FAT3: variants seen among roughly 807,000 people sequenced by gnomAD.
FAT3 encodes protocadherin Fat 3.
In FAT3, 95 loss-of-function variants were observed where a neutral mutation model predicts 310.2. The observed-to-expected ratio is 0.31, with a 90% CI of 0.26 to 0.36. FAT3 has a LOEUF of 0.36. FAT3 is among the 10% of genes least tolerant of loss of function. The probability of loss-of-function intolerance (pLI) is 1.00; values close to 1 mark genes in which losing one functional copy is unlikely to be tolerated. For synonymous variants in FAT3, 2,314 were observed against 2,192.9 expected, an observed-to-expected ratio of 1.06 and a Z score of -1.54; for missense variants, 5,408 against 5,715.6, an observed-to-expected ratio of 0.95 and a Z score of 1.74.
At chr11:92,490,681 A>G (rs1240657270) in intron 2 of FAT3, among the ~76,000 whole-genome samples, 3 of 152,090 alleles carry the variant, frequency 2.0e-5, no homozygotes, top group Admixed American at 2.0e-4. Context: ...AAAAAGCTCA[A>G]TTTTTATCCT....
intron 13 of FAT3, among the ~76,000 whole-genome samples, chr11:92,826,343 A>G (rs950655992): frequency 2.6e-4 from 39 of 152,350 alleles, no homozygotes; most frequent in Admixed American, 2.3e-3. Flanking sequence ...AAAGACTGAA[A>G]TCTAAACATA....
chr11:92,316,394 TA>T (rs1340590520), intron 1 of FAT3, among the ~76,000 whole-genome samples: 1 of 152,158 alleles, frequency 6.6e-6, no homozygotes, highest in African/African-American at 2.4e-5. Context: ...ACAAAATGCA[TA>T]TTTAACAGTT....
chr11:92,606,284 C>A lies in FAT3; in HGVS notation c.3607+81336C>A, dbSNP rs117700521. ...CTAAAGAATTACTAGGGAGAAAATTCTGTTGTCATTTGGCATGAAGCCACA... is the reference window on the plus strand; with the variant it reads ...CTAAAGAATTACTAGGGAGAAAATTATGTTGTCATTTGGCATGAAGCCACA... On this transcript the variant is annotated intron_variant, in intron 3 of 27. Coordinates refer to ENST00000525166, the MANE Select transcript of FAT3 (RefSeq NM_001367949.2). Among the ~76,000 whole-genome samples the A allele has an allele frequency of 6.8e-4, 103 of 152,276 alleles. 2 individuals are homozygous for A. The East Asian group carries it at 0.017, about 25-fold the overall frequency.
At position 92,893,086 on chromosome 11, in the gene FAT3, A is replaced by G. The variant is rs2136457006; in HGVS notation, c.*1973A>G. The stretch of plus-strand genomic sequence containing the variant: ...CCTAGTCTGTGCATTATTCACTCAG[A>G]CATATTTTTAGTTATTTCAATTGCG... On this transcript the variant is annotated 3_prime_UTR_variant, in exon 28 of 28. Coordinates refer to ENST00000525166, the MANE Select transcript of FAT3 (RefSeq NM_001367949.2). 6.6e-6 allele frequency: 1 copy of G among 152,274 alleles called. No homozygotes were observed. Among genetic ancestry groups the G allele is most frequent in the South Asian group, 2.1e-4 (1 of 4,822 alleles). The allele number at this position is 152,274 out of a possible 1,614,324, so 9.4% of individuals were successfully genotyped here.
chr11:92,820,972 GCCCAC>G (rs1473659480), intron 13 of FAT3, among the ~76,000 whole-genome samples: 2 of 152,154 alleles, frequency 1.3e-5, no homozygotes, highest in African/African-American at 4.8e-5. Context: ...TTAAAACAGG[GCCCAC>G]CTTGGGAAGG....
chr11:92,451,936 A>G (rs2058930011), intron 2 of FAT3, among the ~76,000 whole-genome samples: 1 of 152,166 alleles, frequency 6.6e-6, no homozygotes, highest in Non-Finnish European at 1.5e-5. Context: ...AGTGCAATGC[A>G]TGTTTTTGAG....
intron 2 of FAT3, among the ~76,000 whole-genome samples, chr11:92,496,737 C>A (rs1421113952): frequency 6.6e-6 from 1 of 151,940 alleles, no homozygotes; most frequent in African/African-American, 2.4e-5. Context: ...ATGCCTGCAG[C>A]CCCACGGTGT....
chr11:92,732,273 A>G (rs938829305), intron 4 of FAT3, among the ~76,000 whole-genome samples: 1 of 152,206 alleles, frequency 6.6e-6, no homozygotes, highest in Admixed American at 6.5e-5. Flanking sequence ...TTATAGAAAG[A>G]TCAAAATAAA....
intron 15 of FAT3, 82 bp downstream of exon 15, chr11:92,835,166 C>A: frequency 8.3e-7 from 1 of 1,206,054 alleles, no homozygotes; most frequent in Non-Finnish European, 1.2e-6. Flanking sequence ...CAAAGTCCGT[C>A]TTGGGTTTTC....
At chr11:92,559,158 G>A (rs1955129693) in intron 3 of FAT3, among the ~76,000 whole-genome samples, 1 of 152,030 alleles carries the variant, frequency 6.6e-6, no homozygotes. Context: ...TTAATTAGAT[G>A]TCATTCACAT....
chr11:92,264,815 G>C (rs1205545791), intron 1 of FAT3, among the ~76,000 whole-genome samples: 2 of 152,036 alleles, frequency 1.3e-5, no homozygotes, highest in African/African-American at 4.8e-5. Flanking sequence ...CTTTTCTTTA[G>C]GGCGGTCACA....
intron 1 of FAT3, among the ~76,000 whole-genome samples, chr11:92,298,505 G>A (rs1201688223): frequency 2.6e-5 from 4 of 152,054 alleles, no homozygotes; most frequent in African/African-American, 9.7e-5. Flanking sequence ...AAAAAAAGAA[G>A]TGTTATTAGA....
intron 7 of FAT3, among the ~76,000 whole-genome samples, chr11:92,784,803 G>A (rs912685614): frequency 6.6e-6 from 1 of 152,084 alleles, no homozygotes; most frequent in Non-Finnish European, 1.5e-5. Flanking sequence ...GACAAAGCAA[G>A]CAAAAAGAGG....
intron 1 of FAT3, among the ~76,000 whole-genome samples, chr11:92,333,467 A>C (rs948407359): frequency 6.6e-6 from 1 of 152,112 alleles, no homozygotes; most frequent in Non-Finnish European, 1.5e-5. Flanking sequence ...ACCAAGAGGG[A>C]GGTTTAGTAA....
At chr11:92,578,130 T>C (rs1938587740) in intron 3 of FAT3, among the ~76,000 whole-genome samples, 1 of 152,134 alleles carries the variant, frequency 6.6e-6, no homozygotes, top group Non-Finnish European at 1.5e-5. Flanking sequence ...TGCAGGCTAA[T>C]AAATTATTAA....
In FAT3 at chr11:92,732,794, A is replaced by T. The variant is rs888946877; in HGVS notation, c.3670-29062A>T. Among the ~76,000 whole-genome samples, 5 of 152,226 alleles carry T rather than the reference A, an allele frequency of 3.3e-5. 1 individual carries two copies. Among genetic ancestry groups the T allele is most frequent in the Admixed American group, 3.3e-4 (5 of 15,284 alleles). ...TTACTTTCCAGATACTAGGTTAAGC[A>T]CTAGAGGTTAAGCACTGGGGATACA... On this transcript the variant is annotated intron_variant, in intron 4 of 27. Coordinates refer to ENST00000525166, the MANE Select transcript of FAT3 (RefSeq NM_001367949.2).
chr11:92,270,363 A>T (rs1299710505), intron 1 of FAT3, among the ~76,000 whole-genome samples: 1 of 151,792 alleles, frequency 6.6e-6, no homozygotes, highest in Non-Finnish European at 1.5e-5. Flanking sequence ...TAGTGATATC[A>T]TCTAGTCTAC....
intron 1 of FAT3, among the ~76,000 whole-genome samples, chr11:92,329,061 CTTCTT>C (rs1490299097): frequency 6.6e-6 from 1 of 151,218 alleles, no homozygotes; most frequent in African/African-American, 2.4e-5. Context: ...TCTAATCCCT[CTTCTT>C]TTATTTTTGA....
chr11:92,465,641 C>T (rs1951740173), intron 2 of FAT3, among the ~76,000 whole-genome samples: 2 of 152,092 alleles, frequency 1.3e-5, no homozygotes, highest in African/African-American at 2.4e-5. Flanking sequence ...CATGTTCTCA[C>T]TCATAGGTGG....
Sources: allele counts gnomAD v4.1 joint callset (sites outside exome capture counted in the v4.1 genomes callset), GRCh38; gene constraint gnomAD v4.1.1; transcripts MANE v1.5; gene names NCBI Gene and HGNC (gene_info 2026-07-23, HGNC 2026-07-21).